FGF12: variants seen among roughly 807,000 people sequenced by gnomAD.
FGF12 encodes the protein fibroblast growth factor 12.
A neutral mutation model predicts 23.6 loss-of-function variants in FGF12; 14 were observed. The observed-to-expected ratio is 0.59, with a 90% CI of 0.39 to 0.93. The LOEUF (loss-of-function observed/expected upper bound fraction) is 0.93, where lower values mean the gene tolerates loss of function less well. FGF12 is among the 40% of genes least tolerant of loss of function. FGF12 has a pLI of 0.00. For synonymous variants in FGF12, 62 were observed against 77.3 expected (o/e 0.80, Z 1.04); for missense variants, 175 against 217.8 (o/e 0.80, Z 1.24).
intron 2 of FGF12, among the ~76,000 whole-genome samples, chr3:192,708,724 C>T (rs1333763975): frequency 6.6e-6 from 1 of 152,018 alleles, no homozygotes; most frequent in Non-Finnish European, 1.5e-5. Context: ...ATTTGAAGGA[C>T]CAGGGAAAGA....
At chr3:192,169,501 A>ATT (rs1423879553) in intron 5 of FGF12, among the ~76,000 whole-genome samples, 1 of 152,142 alleles carries the variant, frequency 6.6e-6, no homozygotes, top group Non-Finnish European at 1.5e-5. Flanking sequence ...ATTGACTTAA[A>ATT]TGTTTGCAGT....
At chr3:192,325,754 C>CATGGCTA (rs1716785829) in intron 4 of FGF12, among the ~76,000 whole-genome samples, 3 of 152,150 alleles carry the variant, frequency 2.0e-5, no homozygotes, top group Non-Finnish European at 4.4e-5. Context: ...AGGAAGATAT[C>CATGGCTA]ATGGCTAATC....
At chr3:192,607,006 C>T (rs1438730585) in intron 2 of FGF12, among the ~76,000 whole-genome samples, 2 of 152,070 alleles carry the variant, frequency 1.3e-5, no homozygotes, top group Admixed American at 6.6e-5. Flanking sequence ...CAACCCCCTC[C>T]CCCAACACAC....
intron 2 of FGF12, among the ~76,000 whole-genome samples, chr3:192,588,092 T>C (rs953492447): frequency 4.6e-5 from 7 of 151,458 alleles, no homozygotes; most frequent in African/African-American, 1.7e-4. Context: ...ACGCCTGTAA[T>C]CGCAGCACTT....
rs369680825 is a variant in FGF12, at chr3:192,706,070, A to T, written c.13+21111T>A. On this transcript the variant is annotated intron_variant, in intron 2 of 5. Transcript: ENST00000445105. ...TAATCCTTAGCCTCCCTTTAAATACACACATTCCTTCCAAATACAATACAA... is the reference window on the plus strand; with the variant it reads ...TAATCCTTAGCCTCCCTTTAAATACTCACATTCCTTCCAAATACAATACAA... Among the ~76,000 whole-genome samples the T allele has an allele frequency of 3.1e-3, 477 of 152,320 alleles. 3 individuals are homozygous for T. The highest frequency in any genetic ancestry group is 0.011 in the African/African-American group (455 of 41,582).
intron 5 of FGF12, among the ~76,000 whole-genome samples, chr3:192,169,848 A>AC (rs1049552662): frequency 2.0e-5 from 3 of 149,528 alleles, no homozygotes; most frequent in Non-Finnish European, 4.4e-5. Context: ...AAAAAAAAAC[A>AC]AAAAAGTTTA....
intron 2 of FGF12, among the ~76,000 whole-genome samples, chr3:192,655,735 T>C (rs929943648): frequency 4.6e-5 from 7 of 152,202 alleles, no homozygotes; most frequent in African/African-American, 9.6e-5. Flanking sequence ...CATGCTAATA[T>C]GGCCTAGAAG....
chr3:192,712,935 C>T (rs1718743380), intron 2 of FGF12, among the ~76,000 whole-genome samples: 1 of 152,146 alleles, frequency 6.6e-6, no homozygotes, highest in Admixed American at 6.5e-5. Context: ...AGGGATATTA[C>T]TTCACGATGA....
At chr3:192,704,905 A>AACC (rs1471934016) in intron 2 of FGF12, among the ~76,000 whole-genome samples, 1 of 152,220 alleles carries the variant, frequency 6.6e-6, no homozygotes, top group Non-Finnish European at 1.5e-5. Flanking sequence ...AAACCTCATG[A>AACC]ACCACCCTCT....
chr3:192,423,814 T>G (rs565794221), intron 2 of FGF12, among the ~76,000 whole-genome samples: 2 of 152,264 alleles, frequency 1.3e-5, no homozygotes, highest in African/African-American at 4.8e-5. Context: ...CAAAAGCTAG[T>G]AGGTACAAAA....
chr3:192,603,364 A>G (rs1483618219), intron 2 of FGF12, among the ~76,000 whole-genome samples: 2 of 152,194 alleles, frequency 1.3e-5, no homozygotes, highest in Non-Finnish European at 2.9e-5. Flanking sequence ...ATGCACAAAA[A>G]TCAGTAGCAT....
At chr3:192,340,806 A>T (rs1415377980) in intron 3 of FGF12, among the ~76,000 whole-genome samples, 2 of 152,178 alleles carry the variant, frequency 1.3e-5, no homozygotes, top group Admixed American at 1.3e-4. Flanking sequence ...CATAAAATTC[A>T]TTCAAAATGG....
chr3:192,508,181 AG>A (rs1211196046), intron 2 of FGF12, among the ~76,000 whole-genome samples: 1 of 152,192 alleles, frequency 6.6e-6, no homozygotes, highest in Non-Finnish European at 1.5e-5. Context: ...TAATGAGTGG[AG>A]GGGGTAGGTC....
At chr3:192,661,662 A>G (rs1716677026) in intron 2 of FGF12, among the ~76,000 whole-genome samples, 1 of 152,212 alleles carries the variant, frequency 6.6e-6, no homozygotes, top group Non-Finnish European at 1.5e-5. Context: ...TTAAGAACAA[A>G]TCTTAAGTAG....
chr3:192,542,255 C>A (rs1261322896), intron 2 of FGF12, among the ~76,000 whole-genome samples: 1 of 152,122 alleles, frequency 6.6e-6, no homozygotes, highest in Non-Finnish European at 1.5e-5. Context: ...TTATCTCTTC[C>A]ACCTGATTTA....
intron 2 of FGF12, among the ~76,000 whole-genome samples, chr3:192,648,104 A>G (rs1237083543): frequency 2.0e-5 from 3 of 152,078 alleles, no homozygotes; most frequent in Non-Finnish European, 4.4e-5. Flanking sequence ...ATTCAGTTTT[A>G]TATCAATTCA....
intron 2 of FGF12, among the ~76,000 whole-genome samples, chr3:192,595,721 T>C (rs1338209082): frequency 6.6e-6 from 1 of 152,230 alleles, no homozygotes; most frequent in Non-Finnish European, 1.5e-5. Context: ...GAACTTGGTC[T>C]TGGTAGATTA....
chr3:192,727,461 GAT>G, intron 1 of FGF12, 21 bp downstream of exon 1: 1 of 687,680 alleles, frequency 1.5e-6, no homozygotes, highest in Non-Finnish European at 2.2e-6. Context: ...TGCCCGCTCA[GAT>G]TTTTTTTTTT....
chr3:192,178,237 T>C (rs777255305), intron 4 of FGF12, among the ~76,000 whole-genome samples: 8 of 152,072 alleles, frequency 5.3e-5, no homozygotes, highest in Non-Finnish European at 7.4e-5. Flanking sequence ...AAATACATAA[T>C]GTATTAAAAT....
Sources: gnomAD v4.1 joint callset for allele counts (sites outside exome capture counted in the v4.1 genomes callset) on GRCh38, gnomAD v4.1.1 for gene constraint, MANE v1.5 for transcripts, NCBI Gene and HGNC (gene_info 2026-07-23, HGNC 2026-07-21) for gene names.